DNER: variants seen among roughly 807,000 people sequenced by gnomAD.
DNER encodes the protein delta and Notch-like epidermal growth factor-related receptor.
In DNER, 33 loss-of-function variants were observed where a neutral mutation model predicts 78.2. That is an observed-to-expected ratio of 0.42 (90% CI 0.32 to 0.56). The LOEUF is 0.56. DNER is among the 20% of genes least tolerant of loss of function. The pLI, the probability that DNER is intolerant of heterozygous loss-of-function variation, is 0.11. For missense variants in DNER, 918 were observed against 975.3 expected (o/e 0.94, Z 0.78); for synonymous variants, 417 against 384.8 (o/e 1.08, Z -0.98).
intron 6 of DNER, among the ~76,000 whole-genome samples, chr2:229,510,170 A>T (rs1253918200): frequency 6.6e-6 from 1 of 152,216 alleles, no homozygotes. Context: ...CAAGGGAGAC[A>T]TGGGGGTGAG....
At chr2:229,595,950 T>C (rs1174819684) in intron 1 of DNER, among the ~76,000 whole-genome samples, 1 of 152,122 alleles carries the variant, frequency 6.6e-6, no homozygotes, top group Admixed American at 6.5e-5. Flanking sequence ...CCTGGGTATA[T>C]TGCATGATGC....
intron 1 of DNER, among the ~76,000 whole-genome samples, chr2:229,674,711 T>C (rs1444533784): frequency 6.6e-6 from 1 of 152,192 alleles, no homozygotes; most frequent in African/African-American, 2.4e-5. Flanking sequence ...CTTTGAGCTC[T>C]AACAGAGAAG....
chr2:229,533,426 A>G (rs755139222), intron 5 of DNER, among the ~76,000 whole-genome samples: 1 of 152,220 alleles, frequency 6.6e-6, no homozygotes, highest in Non-Finnish European at 1.5e-5. Context: ...GCGGCTTTGA[A>G]GCGGTAGACT....
intron 5 of DNER, among the ~76,000 whole-genome samples, chr2:229,515,834 G>T (rs1695959803): frequency 6.6e-6 from 1 of 151,892 alleles, no homozygotes; most frequent in South Asian, 2.1e-4. Context: ...TAGAGACAGG[G>T]TTTCACCGTG....
At chr2:229,691,779 T>C (rs1192769839) in intron 1 of DNER, among the ~76,000 whole-genome samples, 1 of 151,922 alleles carries the variant, frequency 6.6e-6, no homozygotes, top group Non-Finnish European at 1.5e-5. Context: ...CTTTAAAAAC[T>C]TCCAGTGGTG....
intron 1 of DNER, among the ~76,000 whole-genome samples, chr2:229,630,175 C>CA (rs1021200695): frequency 6.6e-6 from 1 of 152,050 alleles, no homozygotes; most frequent in East Asian, 1.9e-4. Context: ...TATAGACTCA[C>CA]AAAAAATAAA....
At chr2:229,500,468 G>A (rs887618410) in intron 6 of DNER, among the ~76,000 whole-genome samples, 9 of 152,274 alleles carry the variant, frequency 5.9e-5, no homozygotes, top group Middle Eastern at 3.4e-3. Flanking sequence ...ATGAAAAACA[G>A]TATTTAAGTT....
chr2:229,418,896 G>A (rs539010509), intron 8 of DNER, among the ~76,000 whole-genome samples: 1 of 147,284 alleles, frequency 6.8e-6, no homozygotes, highest in East Asian at 2.0e-4. Context: ...ACTCCAGCCT[G>A]GGCGACAAGA....
chr2:229,695,044 G>C (rs1699641078), intron 1 of DNER, among the ~76,000 whole-genome samples: 1 of 152,196 alleles, frequency 6.6e-6, no homozygotes, highest in Admixed American at 6.5e-5. Context: ...GTTCCCATGA[G>C]ATCTGATGGT....
intron 9 of DNER, among the ~76,000 whole-genome samples, chr2:229,414,280 C>T (rs989174957): frequency 6.6e-6 from 1 of 152,126 alleles, no homozygotes; most frequent in African/African-American, 2.4e-5. Flanking sequence ...ATTAAATAAA[C>T]ACTTTATCTG....
intron 1 of DNER, among the ~76,000 whole-genome samples, chr2:229,641,116 AG>A (rs961296736): frequency 3.1e-4 from 47 of 152,332 alleles, no homozygotes; most frequent in African/African-American, 1.1e-3. Flanking sequence ...CAGGAGCTGG[AG>A]GATGCATGGT....
At chr2:229,386,160 G>T (rs111828944) in intron 11 of DNER, among the ~76,000 whole-genome samples, 2 of 152,024 alleles carry the variant, frequency 1.3e-5, no homozygotes, top group African/African-American at 4.8e-5. Flanking sequence ...CCTCAGAAAT[G>T]ATGCCACATA....
At chr2:229,486,034 C>T (rs74952932) in intron 6 of DNER, among the ~76,000 whole-genome samples, 4,948 of 152,210 alleles carry the variant, frequency 0.033, 118 homozygotes, top group Non-Finnish European at 0.054. Flanking sequence ...AGTCTCAGCT[C>T]TCACCCTGGG....
At chr2:229,596,097 T>C (rs1697709280) in intron 1 of DNER, among the ~76,000 whole-genome samples, 1 of 152,224 alleles carries the variant, frequency 6.6e-6, no homozygotes, top group South Asian at 2.1e-4. Flanking sequence ...CCAATTTCTG[T>C]TTTCCGTTTA....
chr2:229,435,836 A>G (rs1389845570), intron 8 of DNER, among the ~76,000 whole-genome samples: 1 of 152,228 alleles, frequency 6.6e-6, no homozygotes, highest in East Asian at 1.9e-4. Context: ...GGCAATTCCT[A>G]TAAAACCAAG....
In DNER at chr2:229,611,300, C is replaced by T. The variant is rs550292514; in HGVS notation, c.277-19412G>A. ...TTAATAAAAAGAACCATTAGCAATG[C>T]CTTTTGGCCTGAAGCACTATAAAAA... On this transcript the variant is annotated intron_variant, in intron 1 of 12. Transcript: ENST00000341772. 2.8e-4 allele frequency among the ~76,000 whole-genome samples: 42 copies of T among 152,230 alleles called. No homozygotes were observed. The South Asian group carries it at 8.7e-3, about 32-fold the overall frequency.
intron 6 of DNER, among the ~76,000 whole-genome samples, chr2:229,507,624 T>G (rs1436115946): frequency 6.6e-6 from 1 of 152,158 alleles, no homozygotes; most frequent in Non-Finnish European, 1.5e-5. Flanking sequence ...TTTGAAGAAA[T>G]AGGGACACGT....
At chr2:229,664,899 G>GA (rs970345316) in intron 1 of DNER, among the ~76,000 whole-genome samples, 24 of 146,552 alleles carry the variant, frequency 1.6e-4, no homozygotes, top group South Asian at 2.2e-4. Flanking sequence ...GACCCTGTTG[G>GA]AAAAAAAAAA....
chr2:229,519,919 A>G (rs1696061233), intron 5 of DNER, among the ~76,000 whole-genome samples: 1 of 152,110 alleles, frequency 6.6e-6, no homozygotes, highest in Admixed American at 6.5e-5. Flanking sequence ...AGTTCCTGTA[A>G]TCTGAGACTA....
Sources: gnomAD v4.1 joint callset for allele counts (sites outside exome capture counted in the v4.1 genomes callset) on GRCh38, gnomAD v4.1.1 for gene constraint, MANE v1.5 for transcripts, NCBI Gene and HGNC (gene_info 2026-07-23, HGNC 2026-07-21) for gene names.